ANXA7: variants seen among roughly 807,000 people sequenced by gnomAD.
The protein encoded by ANXA7 is annexin A7.
A neutral mutation model predicts 64.9 loss-of-function variants in ANXA7; 55 were observed. The observed-to-expected ratio is 0.85, with a 90% CI of 0.68 to 1.06. The LOEUF is 1.06. Among genes scored for constraint, ANXA7 ranks in the 50% least tolerant of loss-of-function variants. The probability of loss-of-function intolerance (pLI) is 0.00; values close to 1 mark genes in which losing one functional copy is unlikely to be tolerated. For missense variants in ANXA7, 548 were observed against 582.1 expected (o/e 0.94, Z 0.60); for synonymous variants, 200 against 192.4 (o/e 1.04, Z -0.33).
intron 5 of ANXA7, among the ~76,000 whole-genome samples, chr10:73,393,912 G>A (rs936720535): frequency 1.3e-5 from 2 of 152,182 alleles, no homozygotes; most frequent in African/African-American, 4.8e-5. Context: ...TACCATCAGA[G>A]TGAACAGGCA....
chr10:73,401,804 G>A (rs965518355), intron 1 of ANXA7, among the ~76,000 whole-genome samples: 2 of 151,954 alleles, frequency 1.3e-5, no homozygotes, highest in South Asian at 2.1e-4. Context: ...ACCCGGCCAA[G>A]GCTTCATCTT....
Position 73,375,867 on chromosome 10 carries a change from T to G in ANXA7, c.*228A>C, listed in dbSNP as rs928413062. The G allele has an allele frequency of 3.2e-6, 1 of 314,436 alleles. No individual in the cohort carries two copies. Among genetic ancestry groups the G allele is most frequent in the East Asian group, 5.3e-5 (1 of 18,898 alleles). 19.5% of individuals were successfully genotyped at this position (314,436 alleles called of 1,614,324 possible). A position where few individuals can be genotyped will look rare whatever the true frequency, so the allele number is the denominator to read the frequency against. Reference sequence around the variant, plus strand: ...TGAAGGTTTACAAACATTGCAATATTACTGTATCATTGTGATATGGCTTTA... The same window carrying G: ...TGAAGGTTTACAAACATTGCAATATGACTGTATCATTGTGATATGGCTTTA... On this transcript the variant is annotated 3_prime_UTR_variant, in exon 13 of 13. Transcript: ENST00000372921.
chr10:73,409,289 A>G (rs2055804968), intron 1 of ANXA7, among the ~76,000 whole-genome samples: 1 of 152,242 alleles, frequency 6.6e-6, no homozygotes, highest in African/African-American at 2.4e-5. Context: ...ACAGACTCTT[A>G]GATTTGATAA....
At chr10:73,401,261 A>T (rs547189000) in intron 1 of ANXA7, among the ~76,000 whole-genome samples, 75 of 140,884 alleles carry the variant, frequency 5.3e-4, no homozygotes, top group South Asian at 1.4e-3. Flanking sequence ...ACACACATAC[A>T]CAACACACAC....
intron 9 of ANXA7, among the ~76,000 whole-genome samples, chr10:73,380,877 C>T (rs982703856): frequency 1.3e-5 from 2 of 152,048 alleles, no homozygotes; most frequent in Non-Finnish European, 2.9e-5. Flanking sequence ...TTCATTCATG[C>T]GACTAAGAGA....
chr10:73,376,218 C>A lies in ANXA7; in HGVS notation c.1279-1G>T. 1 of 1,562,230 alleles carries A rather than the reference C, an allele frequency of 6.4e-7. No homozygotes were observed. Among genetic ancestry groups the A allele is most frequent in the Non-Finnish European group, 8.6e-7 (1 of 1,159,918 alleles). ...TCTGTTTTATTTGTACAAGGTCAATCTGCATAAGAAATAATATTTCTGTCA... is the reference window on the plus strand; with the variant it reads ...TCTGTTTTATTTGTACAAGGTCAATATGCATAAGAAATAATATTTCTGTCA... On this transcript the variant is annotated splice_acceptor_variant, in intron 12 of 12. Coordinates refer to ENST00000372921, the MANE Select transcript of ANXA7 (RefSeq NM_001156.5). LOFTEE classifies it high-confidence loss of function.
chr10:73,398,381 G>A lies in ANXA7; in HGVS notation c.59C>T (p.Ala20Val), dbSNP rs938245673. Residue 20 changes from alanine to valine, a missense_variant, in exon 3 of 13, where the codon GCA (alanine) becomes GTA (valine). By Grantham distance (64) the Ala-to-Val change is moderately conservative (BLOSUM62 0). Coordinates refer to ENST00000372921, the MANE Select transcript of ANXA7 (RefSeq NM_001156.5). ...GYPPFPGYPP[A>V]GQESSFPPSG... is the part of the protein sequence containing the mutation. ...AGGGGGAAAAGATGACTCCTGACCT[G>A]CAGGCTGAAAAATCAGAATAATTTT... 3.1e-6 allele frequency: 5 copies of A among 1,607,094 alleles called. No homozygotes were observed. The highest frequency in any genetic ancestry group is 4.3e-6 in the Non-Finnish European group (5 of 1,175,044).
chr10:73,396,654 T>C, intron 4 of ANXA7, 71 bp from the exon 5 acceptor site: 1 of 862,506 alleles, frequency 1.2e-6, no homozygotes, highest in Non-Finnish European at 1.8e-6. Flanking sequence ...AAAACAGCAT[T>C]GATGACTATG....
At chr10:73,380,509 A>G (rs1232191845) in intron 9 of ANXA7, among the ~76,000 whole-genome samples, 1 of 152,066 alleles carries the variant, frequency 6.6e-6, no homozygotes, top group African/African-American at 2.4e-5. Flanking sequence ...CCTGGGCTTA[A>G]GTGATCCTCC....
At chr10:73,413,374 CTT>C (rs2055874685) in intron 1 of ANXA7, among the ~76,000 whole-genome samples, 1 of 152,218 alleles carries the variant, frequency 6.6e-6, no homozygotes, top group African/African-American at 2.4e-5. Flanking sequence ...ATGTCTGTCA[CTT>C]TACGGTGGAC....
At chr10:73,384,840 C>T (rs1267745701) in intron 7 of ANXA7, among the ~76,000 whole-genome samples, 2 of 151,880 alleles carry the variant, frequency 1.3e-5, no homozygotes, top group African/African-American at 4.8e-5. Flanking sequence ...AGCTGGAGAG[C>T]TCAGAGAAAA....
chr10:73,385,669 C>T (rs571884318), intron 7 of ANXA7, among the ~76,000 whole-genome samples: 57 of 151,986 alleles, frequency 3.8e-4, no homozygotes, highest in Non-Finnish European at 7.2e-4. Flanking sequence ...TATAAAAAAA[C>T]TTGAGACAGC....
Position 73,399,446 on chromosome 10 carries a change from G to A in ANXA7, c.55-1061C>T, listed in dbSNP as rs150932640. Among the ~76,000 whole-genome samples the A allele has an allele frequency of 4.3e-4, 66 of 152,218 alleles. 1 individual carries two copies. In the East Asian group the frequency reaches 0.012, roughly 27 times the overall value. On this transcript the variant is annotated intron_variant, in intron 2 of 12. Transcript: ENST00000372921. ...AGAGCTATATAATCACTTTGCATAA[G>A]GATACATATTATCATAAACTTGTAT...
chr10:73,376,091 C>A lies in ANXA7; in HGVS notation c.*4G>T. The A allele has an allele frequency of 1.3e-6, 2 of 1,546,318 alleles. No individual in the cohort carries two copies. The highest frequency in any genetic ancestry group is 1.3e-5 in the South Asian group (1 of 79,274). On this transcript the variant is annotated 3_prime_UTR_variant, in exon 13 of 13. Coordinates refer to ENST00000372921, the MANE Select transcript of ANXA7 (RefSeq NM_001156.5). ...TTTTTTCATTAAAAAAAAAAAAATC[C>A]CTCCTACTGGCCCACAATAGCCAGA...
intron 7 of ANXA7, among the ~76,000 whole-genome samples, chr10:73,387,486 G>C (rs2055393752): frequency 6.6e-6 from 1 of 152,168 alleles, no homozygotes; most frequent in African/African-American, 2.4e-5. Flanking sequence ...TTGCACTCCA[G>C]CCTGGATGTT....
At chr10:73,385,064 G>A (rs1241417055) in intron 7 of ANXA7, among the ~76,000 whole-genome samples, 6 of 152,186 alleles carry the variant, frequency 3.9e-5, no homozygotes, top group African/African-American at 9.7e-5. Context: ...TTCAGTTAAG[G>A]TTGAGAATTA....
chr10:73,395,786 CAA>C (rs10718150), intron 5 of ANXA7: 10,864 of 406,830 alleles, frequency 0.027, no homozygotes, highest in East Asian at 0.044. Flanking sequence ...AACTCCATCT[CAA>C]AAAAAAAAAA....
chr10:73,390,725 T>A lies in ANXA7; in HGVS notation c.436-2311A>T, dbSNP rs865811075. On this transcript the variant is annotated intron_variant, in intron 5 of 12. Transcript: ENST00000372921. ...ATATATATATATATATATATAAAAA[T>A]ATATATATACACACACACACATATA... Among the ~76,000 whole-genome samples the A allele has an allele frequency of 2.0e-3, 248 of 124,632 alleles. 2 individuals are homozygous for A. The highest frequency in any genetic ancestry group is 8.0e-3 in the African/African-American group (238 of 29,772). 81.8% of individuals were successfully genotyped at this position (124,632 alleles called of 152,430 possible).
At chr10:73,397,707 C>G (rs2055598707) in intron 3 of ANXA7, among the ~76,000 whole-genome samples, 1 of 152,206 alleles carries the variant, frequency 6.6e-6, no homozygotes, top group Admixed American at 6.5e-5. Context: ...ATCCACCCAC[C>G]TCAACCTCCC....
Sources: gnomAD v4.1 joint callset for allele counts (sites outside exome capture counted in the v4.1 genomes callset) on GRCh38, gnomAD v4.1.1 for gene constraint, MANE v1.5 for transcripts, NCBI Gene and HGNC (gene_info 2026-07-23, HGNC 2026-07-21) for gene names.